Variants in DLGAP1 observed in about 807,000 individuals in gnomAD.
DLGAP1 encodes the protein disks large-associated protein 1.
DLGAP1 carries 11 observed loss-of-function variants against 90.8 expected under a neutral mutation model. The observed-to-expected ratio is 0.12, with a 90% CI of 0.08 to 0.20. DLGAP1 has a LOEUF of 0.20. DLGAP1 is among the 10% of genes least tolerant of loss of function. DLGAP1 has a pLI of 1.00. For missense variants in DLGAP1, 1,050 were observed against 1,333.8 expected, an observed-to-expected ratio of 0.79 and a Z score of 3.31; for synonymous variants, 558 against 540.7, an observed-to-expected ratio of 1.03 and a Z score of -0.44.
chr18:3,523,847 C>CAAA (rs36093730), intron 10 of DLGAP1, among the ~76,000 whole-genome samples: 4 of 114,348 alleles, frequency 3.5e-5, no homozygotes, highest in African/African-American at 1.3e-4. Context: ...GACTCTGTCT[C>CAAA]AAAAAAAAAA....
rs1326299349 is a variant in DLGAP1, at chr18:3,772,382, T to TTC, written c.1173-29872_1173-29871dup. Among the ~76,000 whole-genome samples, 4 of 12,720 alleles carry TTC rather than the reference T, an allele frequency of 3.1e-4. 1 individual carries two copies. The highest frequency in any genetic ancestry group is 1.7e-3 in the Non-Finnish European group (4 of 2,334). The allele number at this position is 12,720 out of a possible 152,430, so 8.3% of individuals were successfully genotyped here. A position where few individuals can be genotyped will look rare whatever the true frequency, so the allele number is the denominator to read the frequency against. ...TTTCTTTCTTTCTTTCTTTCTTTCT[T>TTC]TCTTTCTTTCTTTCTTTCTTTCTTT... On this transcript the variant is annotated intron_variant, in intron 5 of 12. Transcript: ENST00000315677.
At chr18:4,123,811 T>C (rs1434461853) in intron 2 of DLGAP1, among the ~76,000 whole-genome samples, 1 of 152,212 alleles carries the variant, frequency 6.6e-6, no homozygotes, top group African/African-American at 2.4e-5. Flanking sequence ...GGCGGGTTTC[T>C]GGTAACAATG....
chr18:3,774,819 T>A (rs1239494422), intron 5 of DLGAP1, among the ~76,000 whole-genome samples: 1 of 152,116 alleles, frequency 6.6e-6, no homozygotes, highest in Admixed American at 6.6e-5. Flanking sequence ...CAGTCTCTCA[T>A]CCTGGCTCTC....
intron 1 of DLGAP1, among the ~76,000 whole-genome samples, chr18:4,311,690 T>C (rs2080401219): frequency 6.6e-6 from 1 of 152,160 alleles, no homozygotes. Context: ...TCTAGATATG[T>C]GCTCCTCTAG....
chr18:3,888,899 G>T (rs990506465), intron 3 of DLGAP1, among the ~76,000 whole-genome samples: 4 of 152,130 alleles, frequency 2.6e-5, no homozygotes, highest in Middle Eastern at 6.3e-3. Context: ...CTATGGAATT[G>T]TTCTTATCTG....
chr18:4,030,876 T>C (rs147541031), intron 2 of DLGAP1, among the ~76,000 whole-genome samples: 1,626 of 152,264 alleles, frequency 0.011, 30 homozygotes, highest in African/African-American at 0.036. Flanking sequence ...TGAGCTGTGA[T>C]TGCACCACTG....
At chr18:3,968,561 A>T (rs1198905476) in intron 3 of DLGAP1, among the ~76,000 whole-genome samples, 1 of 152,224 alleles carries the variant, frequency 6.6e-6, no homozygotes, top group African/African-American at 2.4e-5. Context: ...AGTTTTAAAT[A>T]GTTAACATCT....
At chr18:3,854,931 T>C (rs1205555160) in intron 4 of DLGAP1, among the ~76,000 whole-genome samples, 1 of 152,192 alleles carries the variant, frequency 6.6e-6, no homozygotes, top group Non-Finnish European at 1.5e-5. Flanking sequence ...CTAAGAGGGA[T>C]GCTTTTCTTG....
At chr18:4,229,391 A>T (rs145626380) in intron 1 of DLGAP1, among the ~76,000 whole-genome samples, 2 of 152,260 alleles carry the variant, frequency 1.3e-5, no homozygotes, top group East Asian at 3.9e-4. Context: ...CAAAAGGAAC[A>T]AAACTGGAAG....
chr18:4,009,872 G>T (rs531484868), intron 2 of DLGAP1, among the ~76,000 whole-genome samples: 23 of 152,292 alleles, frequency 1.5e-4, no homozygotes, highest in Non-Finnish European at 2.6e-4. Flanking sequence ...GATCATGTAT[G>T]GACAGGGAGG....
At chr18:3,835,178 G>A (rs1001232019) in intron 4 of DLGAP1, among the ~76,000 whole-genome samples, 5 of 151,968 alleles carry the variant, frequency 3.3e-5, no homozygotes, top group Non-Finnish European at 5.9e-5. Flanking sequence ...TTTCCCATTG[G>A]GTTTAGATGA....
At chr18:4,048,934 T>C (rs1394901325) in intron 2 of DLGAP1, among the ~76,000 whole-genome samples, 2 of 152,148 alleles carry the variant, frequency 1.3e-5, no homozygotes, top group African/African-American at 4.8e-5. Context: ...ACTTCAGAAT[T>C]AAAAATTTGA....
intron 7 of DLGAP1, among the ~76,000 whole-genome samples, chr18:3,677,584 T>G (rs1189961862): frequency 6.6e-6 from 1 of 152,252 alleles, no homozygotes; most frequent in African/African-American, 2.4e-5. Context: ...GAGATCCATG[T>G]TTCTAGCGTG....
intron 5 of DLGAP1, among the ~76,000 whole-genome samples, chr18:3,808,367 G>C (rs1009077701): frequency 1.3e-5 from 2 of 152,068 alleles, no homozygotes; most frequent in African/African-American, 2.4e-5. Flanking sequence ...TAGAAGTATA[G>C]AGGATAATAG....
At chr18:4,399,336 A>G (rs2082503779) in intron 1 of DLGAP1, among the ~76,000 whole-genome samples, 1 of 152,310 alleles carries the variant, frequency 6.6e-6, no homozygotes, top group South Asian at 2.1e-4. Context: ...AAGAGTAACA[A>G]ATGATAGCTA....
intron 9 of DLGAP1, among the ~76,000 whole-genome samples, chr18:3,535,459 G>A (rs530970514): frequency 1.3e-5 from 2 of 152,186 alleles, no homozygotes; most frequent in Non-Finnish European, 2.9e-5. Flanking sequence ...CGTAATCCCA[G>A]CACTTTGGGA....
At chr18:3,534,694 C>CA in intron 9 of DLGAP1, 79 bp from the exon 10 acceptor site, 12 of 999,690 alleles carry the variant, frequency 1.2e-5, no homozygotes, top group South Asian at 1.9e-5. Flanking sequence ...TCCTTTCTTT[C>CA]TTTTTTTTTT....
intron 3 of DLGAP1, among the ~76,000 whole-genome samples, chr18:3,994,192 G>T (rs922646673): frequency 1.3e-5 from 2 of 152,150 alleles, no homozygotes; most frequent in East Asian, 3.9e-4. Context: ...TGCCGAGGGT[G>T]GGGGAGACAG....
intron 1 of DLGAP1, among the ~76,000 whole-genome samples, chr18:4,348,405 T>C (rs2081341850): frequency 1.3e-5 from 1 of 74,736 alleles, no homozygotes; most frequent in African/African-American, 4.6e-5. Context: ...CAGGAATGTG[T>C]GTGTGTGTGT....
Sources: gnomAD v4.1 joint callset for allele counts (sites outside exome capture counted in the v4.1 genomes callset) on GRCh38, gnomAD v4.1.1 for gene constraint, MANE v1.5 for transcripts, NCBI Gene and HGNC (gene_info 2026-07-23, HGNC 2026-07-21) for gene names.